RGS17: variants seen among roughly 807,000 people sequenced by gnomAD.
The protein encoded by RGS17 is regulator of G-protein signaling 17.
Under a neutral mutation model 25.5 loss-of-function variants are expected in RGS17, and 12 were observed. The ratio of observed to expected loss-of-function variants is 0.47; its 90% CI spans 0.30 to 0.76. RGS17 has a LOEUF of 0.76. RGS17 is among the 30% of genes least tolerant of loss of function. The probability of loss-of-function intolerance (pLI) is 0.07; values close to 1 mark genes in which losing one functional copy is unlikely to be tolerated. For missense variants in RGS17, 196 were observed against 242.2 expected (o/e 0.81, Z 1.27); for synonymous variants, 71 against 76.9 (o/e 0.92, Z 0.40).
chr6:153,006,004 T>C lies in RGS17; in HGVS notation c.*5570A>G, dbSNP rs1197775186. ...AAAGGTTTAATGGACACATTACTAT[T>C]TTAAATTTTATACATTTTATTTTTT... On this transcript the variant is annotated 3_prime_UTR_variant, in exon 5 of 5. Coordinates refer to ENST00000206262, the MANE Select transcript of RGS17 (RefSeq NM_012419.5). The C allele has an allele frequency of 6.6e-6, 1 of 152,228 alleles. No homozygotes were observed. The highest frequency in any genetic ancestry group is 1.5e-5 in the Non-Finnish European group (1 of 68,030). 9.4% of individuals were successfully genotyped at this position (152,228 alleles called of 1,614,324 possible).
chr6:153,123,422 T>C (rs2129127288), intron 1 of RGS17, among the ~76,000 whole-genome samples: 1 of 152,296 alleles, frequency 6.6e-6, no homozygotes, highest in South Asian at 2.1e-4. Context: ...ATGTCTTTCA[T>C]TTCCATACTT....
rs538567437 is a variant in RGS17, at chr6:153,087,155, C to T, written c.-25-43112G>A. 9.7e-5 allele frequency among the ~76,000 whole-genome samples: 4 copies of T among 41,116 alleles called. No individual in the cohort carries two copies. In the East Asian group the frequency reaches 1.6e-3, roughly 16 times the overall value. The allele number at this position is 41,116 out of a possible 152,430, so 27.0% of individuals were successfully genotyped here. A position where few individuals can be genotyped will look rare whatever the true frequency, so the allele number is the denominator to read the frequency against. On this transcript the variant is annotated intron_variant, in intron 1 of 4. Transcript: ENST00000206262. The stretch of plus-strand genomic sequence containing the variant: ...AAAATTAGCTGGGCGTGGTGGTGCA[C>T]GCTTGTAATCCCAGCTACTCAGGAG...
intron 1 of RGS17, among the ~76,000 whole-genome samples, chr6:153,121,717 T>A (rs1777634755): frequency 6.6e-6 from 1 of 152,244 alleles, no homozygotes; most frequent in Admixed American, 6.5e-5. Context: ...TGATTTTATA[T>A]AAGATGTACT....
chr6:153,088,134 C>A (rs1260781748), intron 1 of RGS17, among the ~76,000 whole-genome samples: 1 of 152,180 alleles, frequency 6.6e-6, no homozygotes, highest in African/African-American at 2.4e-5. Context: ...GGGTCTCCTG[C>A]TAACATCCAC....
intron 1 of RGS17, among the ~76,000 whole-genome samples, chr6:153,068,083 G>A (rs891426800): frequency 9.2e-5 from 14 of 152,132 alleles, no homozygotes; most frequent in African/African-American, 3.4e-4. Context: ...AATAAATGGT[G>A]CTGGAAAAAC....
chr6:153,057,399 A>G (rs1283081885), intron 1 of RGS17, among the ~76,000 whole-genome samples: 4 of 152,146 alleles, frequency 2.6e-5, no homozygotes. Flanking sequence ...ACTTACAAAT[A>G]TAAACAGGGC....
intron 1 of RGS17, among the ~76,000 whole-genome samples, chr6:153,090,120 C>T (rs685826): frequency 0.54 from 82,095 of 151,906 alleles, 22,452 homozygotes; most frequent in South Asian, 0.63. Context: ...TTAAGGAAAC[C>T]GATCAGTTTA....
intron 1 of RGS17, among the ~76,000 whole-genome samples, chr6:153,124,375 G>A (rs1018382322): frequency 3.9e-5 from 6 of 152,098 alleles, no homozygotes; most frequent in African/African-American, 9.7e-5. Flanking sequence ...GATAACACAC[G>A]AAATACATGG....
chr6:153,101,930 TTCC>T (rs1253588666), intron 1 of RGS17, among the ~76,000 whole-genome samples: 2 of 152,208 alleles, frequency 1.3e-5, no homozygotes, highest in Non-Finnish European at 2.9e-5. Context: ...AACTAAACAT[TTCC>T]TTGATAAATT....
chr6:153,087,857 A>G (rs765699002), intron 1 of RGS17, among the ~76,000 whole-genome samples: 8 of 152,198 alleles, frequency 5.3e-5, no homozygotes, highest in Non-Finnish European at 1.0e-4. Context: ...GAGATCACCC[A>G]TAATGATCCC....
chr6:153,069,544 T>C (rs553217215), intron 1 of RGS17, among the ~76,000 whole-genome samples: 4 of 152,120 alleles, frequency 2.6e-5, no homozygotes, highest in Non-Finnish European at 5.9e-5. Context: ...GACCTACCAT[T>C]TGATAGCACA....
At chr6:153,071,029 A>ACATGTG (rs1469757134) in intron 1 of RGS17, among the ~76,000 whole-genome samples, 5 of 148,152 alleles carry the variant, frequency 3.4e-5, no homozygotes, top group African/African-American at 1.3e-4. Flanking sequence ...GTGTATATGT[A>ACATGTG]TATATACGTA....
chr6:153,111,775 C>A lies in RGS17; in HGVS notation c.-26+19349G>T, dbSNP rs547284292. On this transcript the variant is annotated intron_variant, in intron 1 of 4. Coordinates refer to ENST00000206262, the MANE Select transcript of RGS17 (RefSeq NM_012419.5). The stretch of plus-strand genomic sequence containing the variant: ...GCAGCAATCTTTGCTGTTCTGCAGC[C>A]TCTGCTGGTGATACCCAGGCAAACA... Among the ~76,000 whole-genome samples, 10 of 152,328 alleles carry A rather than the reference C, an allele frequency of 6.6e-5. 1 individual carries two copies. The South Asian group carries it at 1.9e-3, about 28-fold the overall frequency.
At chr6:153,020,519 GGTAAT>G (rs1779238072) in intron 4 of RGS17, among the ~76,000 whole-genome samples, 1 of 151,928 alleles carries the variant, frequency 6.6e-6, no homozygotes, top group Non-Finnish European at 1.5e-5. Flanking sequence ...CTTAAAATAA[GGTAAT>G]GTAATTTTTA....
intron 1 of RGS17, among the ~76,000 whole-genome samples, chr6:153,110,615 C>T (rs770310146): frequency 6.6e-6 from 1 of 152,162 alleles, no homozygotes; most frequent in South Asian, 2.1e-4. Context: ...TCTGTTTTCA[C>T]ACTGCTATAA....
At chr6:153,037,437 T>C (rs1776263032) in intron 2 of RGS17, among the ~76,000 whole-genome samples, 2 of 151,836 alleles carry the variant, frequency 1.3e-5, no homozygotes, top group African/African-American at 4.8e-5. Flanking sequence ...TTACTTTTTT[T>C]TTTTTTTTGA....
At chr6:153,024,161 T>C (rs1417484589) in intron 4 of RGS17, 101 bp downstream of exon 4, 5 of 715,758 alleles carry the variant, frequency 7.0e-6, no homozygotes, top group African/African-American at 1.8e-5. Context: ...TGAAATCTTC[T>C]ACCCTCTCCA....
At chr6:153,041,931 C>T (rs1776326249) in intron 2 of RGS17, among the ~76,000 whole-genome samples, 1 of 152,144 alleles carries the variant, frequency 6.6e-6, no homozygotes, top group South Asian at 2.1e-4. Flanking sequence ...TCAGACACTG[C>T]TCTTGGCTTG....
intron 1 of RGS17, among the ~76,000 whole-genome samples, chr6:153,103,186 C>A (rs954213883): frequency 6.6e-6 from 1 of 152,164 alleles, no homozygotes; most frequent in African/African-American, 2.4e-5. Flanking sequence ...TGAGTAATGA[C>A]CTGCTGCTGG....
Sources: allele counts gnomAD v4.1 joint callset (sites outside exome capture counted in the v4.1 genomes callset), GRCh38; gene constraint gnomAD v4.1.1; transcripts MANE v1.5; gene names NCBI Gene and HGNC (gene_info 2026-07-23, HGNC 2026-07-21).